TMEM255B: variants seen among roughly 807,000 people sequenced by gnomAD.
TMEM255B encodes the protein family with sequence similarity 70, member B.
In TMEM255B, 35 loss-of-function variants were observed where a neutral mutation model predicts 34.5. The ratio of observed to expected loss-of-function variants is 1.01; its 90% CI spans 0.77 to 1.34. TMEM255B has a LOEUF of 1.34. TMEM255B is among the 40% of genes most tolerant of loss of function. The pLI is 0.00. For synonymous variants in TMEM255B, 206 were observed against 201.2 expected, an observed-to-expected ratio of 1.02 and a Z score of -0.20; for missense variants, 432 against 433.2, an observed-to-expected ratio of 1.00 and a Z score of 0.02.
Position 113,770,486 on chromosome 13 carries a change from G to A in TMEM255B, c.252+1326G>A, listed in dbSNP as rs538876713. 2.4e-4 allele frequency among the ~76,000 whole-genome samples: 36 copies of A among 152,322 alleles called. No individual in the cohort carries two copies. Among genetic ancestry groups the A allele is most frequent in the African/African-American group, 1.7e-4 (7 of 41,576 alleles). On this transcript the variant is annotated intron_variant, in intron 3 of 8. Coordinates refer to ENST00000375353, the MANE Select transcript of TMEM255B (RefSeq NM_182614.4). This position sits in a 1 kb window ranked among gnomAD's most constrained non-coding sequence, Gnocchi z 4.6. ...ACCCTTGGGCAGATGGAGCCTGACCGTGTGAGGGTGGGAGGTCCCTGGAGG... is the reference window on the plus strand; with the variant it reads ...ACCCTTGGGCAGATGGAGCCTGACCATGTGAGGGTGGGAGGTCCCTGGAGG...
At chr13:113,764,598 C>A (rs2050359429) in intron 1 of TMEM255B, among the ~76,000 whole-genome samples, 1 of 152,236 alleles carries the variant, frequency 6.6e-6, no homozygotes, top group African/African-American at 2.4e-5. Flanking sequence ...GCCCTGTCCC[C>A]AGCCCTGCTT....
At chr13:113,765,996 C>T in intron 1 of TMEM255B, 119 bp from the exon 2 acceptor site, 1 of 1,354,118 alleles carries the variant, frequency 7.4e-7, no homozygotes, top group Non-Finnish European at 1.0e-6. Flanking sequence ...GGCCTGGAGG[C>T]AGGCGGGGAT....
At chr13:113,774,449 T>C (rs1249495982) in intron 3 of TMEM255B, among the ~76,000 whole-genome samples, 1 of 152,140 alleles carries the variant, frequency 6.6e-6, no homozygotes, top group Non-Finnish European at 1.5e-5. Flanking sequence ...GGGAAGGGCA[T>C]AAAACAGTGT....
At chr13:113,774,172 G>A (rs966313572) in intron 3 of TMEM255B, among the ~76,000 whole-genome samples, 1 of 151,230 alleles carries the variant, frequency 6.6e-6, no homozygotes, top group Admixed American at 6.6e-5. Flanking sequence ...GCCAGACGTG[G>A]CATCATTTCA....
At chr13:113,805,438 A>G (rs2051153422) in intron 8 of TMEM255B, among the ~76,000 whole-genome samples, 1 of 152,172 alleles carries the variant, frequency 6.6e-6, no homozygotes. Context: ...ACGTGGAGAC[A>G]TCATAGGGTT....
intron 2 of TMEM255B, among the ~76,000 whole-genome samples, chr13:113,767,907 C>T (rs1021943498): frequency 2.6e-5 from 4 of 152,152 alleles, no homozygotes; most frequent in African/African-American, 7.2e-5. Context: ...ATATTTTTGA[C>T]GTGTGGAGTT....
intron 3 of TMEM255B, among the ~76,000 whole-genome samples, chr13:113,794,726 G>A (rs1196446792): frequency 6.6e-6 from 1 of 152,204 alleles, no homozygotes; most frequent in Non-Finnish European, 1.5e-5. Context: ...CTGGCTCCAA[G>A]CTCCAAGACC....
intron 7 of TMEM255B, among the ~76,000 whole-genome samples, chr13:113,804,571 CGGGGTT>C (rs2051128535): frequency 6.6e-6 from 1 of 151,858 alleles, no homozygotes; most frequent in Non-Finnish European, 1.5e-5. Flanking sequence ...TACGCCGGGC[CGGGGTT>C]AGCTCCAGCC....
At position 113,812,923 on chromosome 13, in the gene TMEM255B, A is replaced by ACAGGCCC. The variant is rs1566341841; in HGVS notation, c.*1021_*1022insAGGCCCC. The ACAGGCCC allele has an allele frequency of 1.3e-4, 16 of 121,360 alleles. No homozygotes were observed. Among genetic ancestry groups the ACAGGCCC allele is most frequent in the African/African-American group, 5.7e-4 (16 of 28,270 alleles). 7.5% of individuals were successfully genotyped at this position (121,360 alleles called of 1,614,324 possible). ...GTGAGTCACAGGCCCCGGGTGAGTC[A>ACAGGCCC]CGGGTCCCGGGTGGGTCACGGGTCC... On this transcript the variant is annotated 3_prime_UTR_variant, in exon 9 of 9. Transcript: ENST00000375353.
At chr13:113,777,015 A>G (rs1175683089) in intron 3 of TMEM255B, among the ~76,000 whole-genome samples, 1 of 151,880 alleles carries the variant, frequency 6.6e-6, no homozygotes, top group Non-Finnish European at 1.5e-5. Flanking sequence ...AACACCTGGA[A>G]TTTCTATTTT....
rs1481674217 is a variant in TMEM255B at position 113,801,812 on chromosome 13, G to C, written c.669G>C (p.Met223Ile). 1.2e-6 allele frequency: 2 copies of C among 1,601,148 alleles called. No homozygotes were observed. The highest frequency in any genetic ancestry group is 1.7e-6 in the Non-Finnish European group (2 of 1,173,770). ...TAAVLGAFKD[M>I]VPLSQLAYGP... is the part of the protein sequence containing the mutation. The stretch of plus-strand genomic sequence containing the variant: ...CCGTCCTGGGGGCCTTCAAGGACAT[G>C]GTGAGGCCCCTTGGTGGGACCCCCG... The change falls in exon 7 of 9, where the codon ATG (methionine) becomes ATC (isoleucine). Residue 223 changes from methionine (M) to isoleucine (I), a missense_variant and splice_region_variant. Physicochemically the swap from Met to Ile is conservative, Grantham distance 10. Transcript: ENST00000375353.
In TMEM255B at chr13:113,804,644, CGGG is replaced by C. The variant is rs2051131395; in HGVS notation, c.670-240_670-238del. On this transcript the variant is annotated intron_variant, in intron 7 of 8. Coordinates refer to ENST00000375353, the MANE Select transcript of TMEM255B (RefSeq NM_182614.4). ...CTCCAGCCTGGGTATAAACGCACGC[CGGG>C]CCGGGGTTAGCTCCAGCCTGGGTAT... Among the ~76,000 whole-genome samples the C allele has an allele frequency of 1.4e-5, 2 of 141,566 alleles. 1 individual carries two copies. Among genetic ancestry groups the C allele is most frequent in the Admixed American group, 1.4e-4 (2 of 13,958 alleles). The allele number at this position is 141,566 out of a possible 152,430, so 92.9% of individuals were successfully genotyped here.
chr13:113,784,712 A>G (rs1594136847), intron 3 of TMEM255B, among the ~76,000 whole-genome samples: 1 of 152,142 alleles, frequency 6.6e-6, no homozygotes, highest in East Asian at 1.9e-4. Flanking sequence ...CCTTCGGGTC[A>G]GTTGTCCTCC....
intron 8 of TMEM255B, among the ~76,000 whole-genome samples, chr13:113,807,510 C>T (rs1274935702): frequency 2.3e-5 from 3 of 128,336 alleles, no homozygotes; most frequent in Non-Finnish European, 4.8e-5. Flanking sequence ...GGAGGGTGGT[C>T]CTCCCTGTCA....
intron 1 of TMEM255B, among the ~76,000 whole-genome samples, chr13:113,764,228 C>T (rs1368946767): frequency 2.0e-5 from 3 of 152,156 alleles, no homozygotes; most frequent in East Asian, 3.9e-4. Context: ...GGTCCTGGGC[C>T]GCCAGTGTGG....
rs2050464412 is a variant in TMEM255B, at chr13:113,770,702, C to T, written c.252+1542C>T. On this transcript the variant is annotated intron_variant, in intron 3 of 8. Coordinates refer to ENST00000375353, the MANE Select transcript of TMEM255B (RefSeq NM_182614.4). This position sits in a 1 kb window ranked among gnomAD's most constrained non-coding sequence, Gnocchi z 4.6. The stretch of plus-strand genomic sequence containing the variant: ...TGGCTCCCGAGGGTGGGCGTCACAG[C>T]TGACCAGGGTGGGCAAAGGCCTCAC... Among the ~76,000 whole-genome samples, 2 of 152,172 alleles carry T rather than the reference C, an allele frequency of 1.3e-5. No individual in the cohort carries two copies. The highest frequency in any genetic ancestry group is 4.1e-4 in the South Asian group (2 of 4,824).
chr13:113,807,831 GTGGTCCTCCC>G (rs879364075), intron 8 of TMEM255B, among the ~76,000 whole-genome samples: 2,084 of 147,396 alleles, frequency 0.014, 147 homozygotes, highest in Admixed American at 0.032. Flanking sequence ...GATGTGGGGG[GTGGTCCTCCC>G]CGTCACACGC....
At position 113,799,370 on chromosome 13, in the gene TMEM255B, A is replaced by C; in HGVS notation, c.374A>C (p.Gln125Pro). ...EPRPLTTGRC[Q>P]FYSSGVGYLY... ...AGGCCCCTCACCACGGGAAGATGCC[A>C]GTTTTACTCCAGTGGGGTGGGGTAC... The change falls in exon 5 of 9, where the codon CAG becomes CCG. Residue 125 changes from glutamine (Q) to proline (P), a missense_variant. Coordinates refer to ENST00000375353, the MANE Select transcript of TMEM255B (RefSeq NM_182614.4). 2 of 1,614,132 alleles carry C rather than the reference A, an allele frequency of 1.2e-6. No individual in the cohort carries two copies. Among genetic ancestry groups the C allele is most frequent in the Non-Finnish European group, 1.7e-6 (2 of 1,180,018 alleles).
At chr13:113,783,403 C>T (rs2050694604) in intron 3 of TMEM255B, among the ~76,000 whole-genome samples, 1 of 152,128 alleles carries the variant, frequency 6.6e-6, no homozygotes, top group Non-Finnish European at 1.5e-5. Flanking sequence ...CTGCGTCGGC[C>T]TCAGCTGAAT....
Sources: allele counts gnomAD v4.1 joint callset (sites outside exome capture counted in the v4.1 genomes callset), GRCh38; gene constraint gnomAD v4.1.1; non-coding constraint Gnocchi (gnomAD v3.1); transcripts MANE v1.5; gene names NCBI Gene and HGNC (gene_info 2026-07-23, HGNC 2026-07-21).